The following KCNAB1 variants were observed in gnomAD, a reference collection of about 807,000 sequenced individuals.
The protein encoded by KCNAB1 is voltage-gated potassium channel subunit beta-1.
Under a neutral mutation model 64.6 loss-of-function variants are expected in KCNAB1, and 35 were observed. That is an observed-to-expected ratio of 0.54 (90% CI 0.41 to 0.72). KCNAB1 has a LOEUF of 0.72. Ranked by LOEUF, KCNAB1 falls within the 30% of genes least tolerant of loss-of-function variation. The probability of loss-of-function intolerance (pLI) is 0.00; values close to 1 mark genes in which losing one functional copy is unlikely to be tolerated. For synonymous variants in KCNAB1, 177 were observed against 183.8 expected, an observed-to-expected ratio of 0.96 and a Z score of 0.30; for missense variants, 401 against 512.9, an observed-to-expected ratio of 0.78 and a Z score of 2.11.
intron 1 of KCNAB1, among the ~76,000 whole-genome samples, chr3:156,179,183 T>C (rs1433158127): frequency 6.6e-6 from 1 of 150,960 alleles, no homozygotes; most frequent in Admixed American, 6.6e-5. Flanking sequence ...TCAAGGAATA[T>C]TTACTAAGCT....
intron 1 of KCNAB1, among the ~76,000 whole-genome samples, chr3:156,221,781 C>G (rs899930213): frequency 2.7e-5 from 4 of 147,652 alleles, no homozygotes; most frequent in Admixed American, 2.0e-4. Flanking sequence ...TCCATCCCCC[C>G]CCGCCAAAAA....
chr3:156,140,820 T>A (rs937716149), intron 1 of KCNAB1, among the ~76,000 whole-genome samples: 3 of 152,204 alleles, frequency 2.0e-5, no homozygotes, highest in African/African-American at 7.2e-5. Context: ...CAAGTGGAAT[T>A]TCAATGAATA....
At chr3:156,235,357 C>T (rs1485924018) in intron 1 of KCNAB1, among the ~76,000 whole-genome samples, 2 of 152,228 alleles carry the variant, frequency 1.3e-5, no homozygotes, top group Non-Finnish European at 2.9e-5. Flanking sequence ...ATTCTCAAAT[C>T]TTGCCCTTCA....
chr3:156,167,859 C>G (rs1711699494), intron 1 of KCNAB1, among the ~76,000 whole-genome samples: 1 of 152,088 alleles, frequency 6.6e-6, no homozygotes, highest in South Asian at 2.1e-4. Flanking sequence ...TTTTTGATAT[C>G]TATTAAATGA....
intron 1 of KCNAB1, among the ~76,000 whole-genome samples, chr3:156,132,351 C>A (rs1378623218): frequency 6.6e-6 from 1 of 152,202 alleles, no homozygotes; most frequent in Non-Finnish European, 1.5e-5. Context: ...TGATATCCAC[C>A]TGGCAGTGGA....
At chr3:156,158,175 ATAAAAAATAAATAAATAAAT>A (rs1205044582) in intron 1 of KCNAB1, among the ~76,000 whole-genome samples, 5 of 113,450 alleles carry the variant, frequency 4.4e-5, no homozygotes, top group Non-Finnish European at 7.0e-5. Flanking sequence ...AAAAAAAAAA[ATAAAAAATAAATAAATAAAT>A]AAATAAATAA....
chr3:156,339,071 G>A (rs886566638), intron 1 of KCNAB1, among the ~76,000 whole-genome samples: 2 of 152,146 alleles, frequency 1.3e-5, no homozygotes, highest in African/African-American at 2.4e-5. Flanking sequence ...GATTGACAGG[G>A]GAAGGCAGGA....
chr3:156,520,578 G>A (rs761388567), intron 11 of KCNAB1, among the ~76,000 whole-genome samples: 43 of 151,906 alleles, frequency 2.8e-4, no homozygotes, highest in Admixed American at 1.2e-3. Context: ...ACCCTGTCTC[G>A]AAAAAATATT....
At chr3:156,156,169 AT>A (rs1715700764) in intron 1 of KCNAB1, among the ~76,000 whole-genome samples, 1 of 152,142 alleles carries the variant, frequency 6.6e-6, no homozygotes, top group African/African-American at 2.4e-5. Flanking sequence ...AAACAAAGAC[AT>A]TTTTATTGGG....
intron 1 of KCNAB1, among the ~76,000 whole-genome samples, chr3:156,361,959 G>T (rs1447629953): frequency 6.6e-6 from 1 of 152,164 alleles, no homozygotes; most frequent in African/African-American, 2.4e-5. Flanking sequence ...TGCAATGAAT[G>T]AATTATTTGT....
At chr3:156,246,943 A>C (rs550518084) in intron 1 of KCNAB1, among the ~76,000 whole-genome samples, 1 of 152,342 alleles carries the variant, frequency 6.6e-6, no homozygotes, top group Non-Finnish European at 1.5e-5. Flanking sequence ...CATGAGAACT[A>C]TATCATTATA....
At chr3:156,323,923 A>G (rs1722822536) in intron 1 of KCNAB1, among the ~76,000 whole-genome samples, 1 of 152,218 alleles carries the variant, frequency 6.6e-6, no homozygotes, top group African/African-American at 2.4e-5. Context: ...AGTTCCCATG[A>G]TTTTTACAGC....
At chr3:156,465,985 G>A (rs547317076) in intron 7 of KCNAB1, among the ~76,000 whole-genome samples, 4 of 152,226 alleles carry the variant, frequency 2.6e-5, no homozygotes, top group South Asian at 4.2e-4. Context: ...TATAATGTAC[G>A]TATCATGAAA....
At chr3:156,217,419 G>A (rs761892827) in intron 1 of KCNAB1, among the ~76,000 whole-genome samples, 8 of 151,774 alleles carry the variant, frequency 5.3e-5, no homozygotes, top group Non-Finnish European at 1.0e-4. Context: ...AGTGATATAC[G>A]AAAAAAAATC....
intron 1 of KCNAB1, among the ~76,000 whole-genome samples, chr3:156,302,785 G>C (rs1275959154): frequency 6.6e-6 from 1 of 152,038 alleles, no homozygotes; most frequent in East Asian, 1.9e-4. Context: ...AAATTAAGGG[G>C]TCAACATTAA....
rs897078563 is a variant in KCNAB1 at position 156,508,920 on chromosome 3, T to G, written c.659-5444T>G. The stretch of plus-strand genomic sequence containing the variant: ...AGCGCAGAGGGAGGACTTAACAAAG[T>G]CTTTCAATAGTTTAGTCAGTTTTTC... On this transcript the variant is annotated intron_variant, in intron 8 of 13. Coordinates refer to ENST00000490337, the MANE Select transcript of KCNAB1 (RefSeq NM_172160.3). The surrounding 1 kb of genome is among the most constrained non-coding windows in gnomAD (Gnocchi z 4.1). Among the ~76,000 whole-genome samples, 1 of 152,186 alleles carries G rather than the reference T, an allele frequency of 6.6e-6. No individual in the cohort carries two copies. Among genetic ancestry groups the G allele is most frequent in the Non-Finnish European group, 1.5e-5 (1 of 68,032 alleles).
chr3:156,294,089 T>G lies in KCNAB1; in HGVS notation c.276-127527T>G, dbSNP rs147912625. Among the ~76,000 whole-genome samples the G allele has an allele frequency of 6.8e-4, 103 of 152,332 alleles. 1 individual carries two copies. Among genetic ancestry groups the G allele is most frequent in the African/African-American group, 1.9e-3 (80 of 41,576 alleles). On this transcript the variant is annotated intron_variant, in intron 1 of 13. Transcript: ENST00000490337. ...TGATGATTGTGTTGGAAGAGTTTGC[T>G]CTTATGAAGGCCTTTGGAAGTCAGG...
intron 1 of KCNAB1, among the ~76,000 whole-genome samples, chr3:156,179,604 T>C: frequency 6.6e-6 from 1 of 152,164 alleles, no homozygotes; most frequent in Non-Finnish European, 1.5e-5. Flanking sequence ...TTTATCTTCC[T>C]GTCTACCTTT....
intron 1 of KCNAB1, among the ~76,000 whole-genome samples, chr3:156,320,329 T>C (rs1275297640): frequency 1.3e-5 from 2 of 152,222 alleles, no homozygotes; most frequent in African/African-American, 4.8e-5. Flanking sequence ...TTCTGTACTC[T>C]TAGAATCTAC....
Sources: gnomAD v4.1 joint callset for allele counts (sites outside exome capture counted in the v4.1 genomes callset) on GRCh38, gnomAD v4.1.1 for gene constraint, Gnocchi (gnomAD v3.1) non-coding constraint, MANE v1.5 for transcripts, NCBI Gene and HGNC (gene_info 2026-07-23, HGNC 2026-07-21) for gene names.